Variants in NF2 observed in about 807,000 individuals in gnomAD.
NF2 encodes merlin.
In NF2, 8 loss-of-function variants were observed where a neutral mutation model predicts 83.7. The ratio of observed to expected loss-of-function variants is 0.10; its 90% CI spans 0.06 to 0.17. The LOEUF is 0.17. NF2 is among the 10% of genes least tolerant of loss of function. NF2 has a pLI of 1.00. For synonymous variants in NF2, 266 were observed against 269.6 expected (o/e 0.99, Z 0.13); for missense variants, 533 against 744.4 (o/e 0.72, Z 3.31).
intron 4 of NF2, among the ~76,000 whole-genome samples, chr22:29,644,977 T>C (rs553158188): frequency 6.6e-6 from 1 of 152,248 alleles, no homozygotes; most frequent in East Asian, 1.9e-4. Context: ...GAGAGGGCAC[T>C]TGTGTGATTT....
intron 4 of NF2, 135 bp downstream of exon 4, chr22:29,642,420 T>G: frequency 1.4e-6 from 1 of 740,466 alleles, no homozygotes. Context: ...ATGGGACTTG[T>G]GGACTTGAAG....
chr22:29,654,557 C>A, intron 4 of NF2, 100 bp from the exon 5 acceptor site: 1 of 970,888 alleles, frequency 1.0e-6, no homozygotes, highest in Non-Finnish European at 1.7e-6. Flanking sequence ...AATTGAATTG[C>A]TCCCTGGAGC....
In NF2 at chr22:29,667,943, G is replaced by A. The variant is rs2066672049; in HGVS notation, c.886-390G>A. 2.0e-5 allele frequency among the ~76,000 whole-genome samples: 3 copies of A among 152,118 alleles called. No individual in the cohort carries two copies. In the South Asian group the frequency reaches 6.2e-4, roughly 32 times the overall value. ...GAGTTGATTTTTGTGTAAGGTGTAA[G>A]GGAGGGATACAACTTATTTTTTTCC... On this transcript the variant is annotated intron_variant, in intron 9 of 15. Transcript: ENST00000338641.
chr22:29,610,167 A>G (rs2064911672), intron 1 of NF2, among the ~76,000 whole-genome samples: 1 of 151,860 alleles, frequency 6.6e-6, no homozygotes, highest in African/African-American at 2.4e-5. Context: ...GAGAGACCCC[A>G]ACTCTAAAAT....
chr22:29,640,729 T>G (rs915969252), intron 3 of NF2, among the ~76,000 whole-genome samples: 2 of 151,548 alleles, frequency 1.3e-5, no homozygotes, highest in Admixed American at 6.6e-5. Context: ...TTAAATATAA[T>G]AAAACCCCCT....
chr22:29,673,620 C>A, intron 12 of NF2, 134 bp downstream of exon 12: 1 of 985,726 alleles, frequency 1.0e-6, no homozygotes, highest in South Asian at 1.5e-5. Flanking sequence ...GAGGCTCCTC[C>A]TTGGCTGATG....
At chr22:29,613,142 A>AAT (rs2064996684) in intron 1 of NF2, among the ~76,000 whole-genome samples, 1 of 152,138 alleles carries the variant, frequency 6.6e-6, no homozygotes, top group Non-Finnish European at 1.5e-5. Context: ...ATTCCTATGG[A>AAT]ATCGCAAGGG....
At chr22:29,673,550 C>A (rs2066872705) in intron 12 of NF2, 64 bp downstream of exon 12, 1 of 1,521,536 alleles carries the variant, frequency 6.6e-7, no homozygotes, top group Non-Finnish European at 9.0e-7. Flanking sequence ...CCAGCCTGCC[C>A]TGAGGCTGAG....
chr22:29,657,140 C>A (rs1251350592), intron 6 of NF2, among the ~76,000 whole-genome samples: 1 of 152,014 alleles, frequency 6.6e-6, no homozygotes, highest in East Asian at 1.9e-4. Context: ...TGTCTCCCTA[C>A]CCCCAATTCC....
intron 10 of NF2, among the ~76,000 whole-genome samples, chr22:29,669,273 T>C (rs896588119): frequency 6.6e-6 from 1 of 152,198 alleles, no homozygotes; most frequent in African/African-American, 2.4e-5. Context: ...AATGTGTTCT[T>C]TGGGATGCTT....
At chr22:29,653,490 A>C (rs1020327423) in intron 4 of NF2, among the ~76,000 whole-genome samples, 4 of 151,950 alleles carry the variant, frequency 2.6e-5, no homozygotes, top group South Asian at 2.1e-4. Flanking sequence ...CTTAAGATTC[A>C]AAAAAAACAA....
intron 9 of NF2, among the ~76,000 whole-genome samples, chr22:29,666,994 C>A (rs915186211): frequency 1.3e-5 from 2 of 151,928 alleles, no homozygotes; most frequent in African/African-American, 4.8e-5. Flanking sequence ...AAAATAAATA[C>A]ATAAAAATAA....
chr22:29,634,354 T>C (rs1189478180), intron 1 of NF2, among the ~76,000 whole-genome samples: 1 of 152,220 alleles, frequency 6.6e-6, no homozygotes. Context: ...GACAAATACA[T>C]TGTCTTTTTG....
chr22:29,607,342 C>A (rs2064824569), intron 1 of NF2, among the ~76,000 whole-genome samples: 1 of 152,110 alleles, frequency 6.6e-6, no homozygotes, highest in Non-Finnish European at 1.5e-5. Flanking sequence ...AGTGGAGCTT[C>A]ATAGCTGGGT....
intron 1 of NF2, among the ~76,000 whole-genome samples, chr22:29,607,833 A>G (rs1203941304): frequency 6.6e-6 from 1 of 152,138 alleles, no homozygotes; most frequent in Non-Finnish European, 1.5e-5. Flanking sequence ...ATCCATAAAG[A>G]TATAGAAATT....
Position 29,650,552 on chromosome 22 carries a change from TTCTC to T in NF2, c.448-4094_448-4091del, listed in dbSNP as rs376093799. On this transcript the variant is annotated intron_variant, in intron 4 of 15. Coordinates refer to ENST00000338641, the MANE Select transcript of NF2 (RefSeq NM_000268.4). The stretch of plus-strand genomic sequence containing the variant: ...TTTCTTTCTTTCTCTTTCTCTTTCT[TTCTC>T]TCTCTCTCTCCTTCCTCCCTCCCCT... 4.7e-4 allele frequency among the ~76,000 whole-genome samples: 71 copies of T among 151,216 alleles called. No individual in the cohort carries two copies. In the East Asian group the frequency reaches 9.9e-3, roughly 21 times the overall value.
intron 1 of NF2, among the ~76,000 whole-genome samples, chr22:29,623,388 T>C (rs2065265153): frequency 6.6e-6 from 1 of 152,098 alleles, no homozygotes; most frequent in Admixed American, 6.6e-5. Context: ...GCATGCAAAA[T>C]GATTTGGAAC....
intron 4 of NF2, among the ~76,000 whole-genome samples, chr22:29,649,547 CA>C (rs1247529780): frequency 6.6e-6 from 1 of 151,906 alleles, no homozygotes; most frequent in Non-Finnish European, 1.5e-5. Context: ...CAGAAAAAGG[CA>C]AAAACAAAAC....
intron 1 of NF2, among the ~76,000 whole-genome samples, chr22:29,612,350 G>A (rs1436443025): frequency 3.3e-5 from 5 of 149,390 alleles, no homozygotes. Flanking sequence ...TTTTTTTCTC[G>A]GACTTGCACT....
Sources: allele counts gnomAD v4.1 joint callset (sites outside exome capture counted in the v4.1 genomes callset), GRCh38; gene constraint gnomAD v4.1.1; transcripts MANE v1.5; gene names NCBI Gene and HGNC (gene_info 2026-07-23, HGNC 2026-07-21).